Variants in ODF2L observed in about 807,000 individuals in gnomAD.
The protein encoded by ODF2L is protein BCAP.
A neutral mutation model predicts 86.3 loss-of-function variants in ODF2L; 76 were observed. That is an observed-to-expected ratio of 0.88 (90% CI 0.73 to 1.07). The LOEUF (loss-of-function observed/expected upper bound fraction) is 1.07. Ranked by LOEUF, ODF2L falls within the 50% of genes least tolerant of loss-of-function variation. The pLI is 0.00. For missense variants in ODF2L, 748 were observed against 717.4 expected (o/e 1.04, Z -0.49); for synonymous variants, 241 against 231.3 (o/e 1.04, Z -0.38).
chr1:86,363,536 A>G (rs935705514), intron 11 of ODF2L, among the ~76,000 whole-genome samples: 4 of 152,186 alleles, frequency 2.6e-5, no homozygotes, highest in Non-Finnish European at 5.9e-5. Context: ...GAACAATATT[A>G]AAAATGAGTC....
At chr1:86,371,147 G>A in exon 10 of ODF2L, 2 of 1,461,508 alleles carry the variant, frequency 1.4e-6, no homozygotes, top group Non-Finnish European at 1.8e-6. Flanking sequence ...AAAGATTAAT[G>A]ATTTGCCTTT....
intron 11 of ODF2L, among the ~76,000 whole-genome samples, chr1:86,366,429 C>CACACACAT (rs1156767516): frequency 1.1e-4 from 15 of 139,832 alleles, no homozygotes; most frequent in Non-Finnish European, 1.7e-4. Context: ...CACACACACA[C>CACACACAT]ACACATACAC....
intron 16 of ODF2L, among the ~76,000 whole-genome samples, chr1:86,353,489 A>G (rs1658302616): frequency 6.6e-6 from 1 of 152,092 alleles, no homozygotes; most frequent in South Asian, 2.1e-4. Flanking sequence ...TTGAATTTTC[A>G]TATTTCTCTG....
intron 7 of ODF2L, among the ~76,000 whole-genome samples, chr1:86,379,517 A>C (rs2181418): frequency 0.083 from 12,654 of 152,202 alleles, 950 homozygotes; most frequent in East Asian, 0.41. Context: ...ATTGAGCTAG[A>C]AACAATCCAA....
intron 11 of ODF2L, chr1:86,360,819 T>C (rs756822561): frequency 5.2e-6 from 1 of 193,426 alleles, no homozygotes; most frequent in Non-Finnish European, 1.0e-5. Flanking sequence ...ATCAATAGAA[T>C]ACAGAGGTTA....
chr1:86,389,966 C>T (rs1661204307), intron 1 of ODF2L, among the ~76,000 whole-genome samples: 1 of 152,128 alleles, frequency 6.6e-6, no homozygotes, highest in Non-Finnish European at 1.5e-5. Flanking sequence ...ATTCAAAGAA[C>T]AATTGGTACC....
chr1:86,355,212 G>A, intron 14 of ODF2L: 1 of 628,092 alleles, frequency 1.6e-6, no homozygotes, highest in Non-Finnish European at 2.8e-6. Flanking sequence ...GGATACCTAG[G>A]GTTTCTCTTA....
exon 16 of ODF2L, chr1:86,354,684 T>C: frequency 6.2e-7 from 1 of 1,606,462 alleles, no homozygotes. Flanking sequence ...GTCCATCTGT[T>C]CTAATTTTCT....
At chr1:86,375,988 G>C (rs925366803) in intron 8 of ODF2L, among the ~76,000 whole-genome samples, 1 of 152,086 alleles carries the variant, frequency 6.6e-6, no homozygotes, top group Non-Finnish European at 1.5e-5. Context: ...GTGGAGGCGG[G>C]GGGGACACAC....
intron 3 of ODF2L, 82 bp downstream of exon 3, chr1:86,385,376 A>T: frequency 1.3e-6 from 1 of 789,854 alleles, no homozygotes; most frequent in Non-Finnish European, 2.0e-6. Flanking sequence ...GAGCATACCT[A>T]TATAAGATAT....
intron 14 of ODF2L, chr1:86,355,487 A>G: frequency 1.5e-6 from 1 of 656,904 alleles, no homozygotes; most frequent in Non-Finnish European, 2.7e-6. Context: ...ATTTTACTAG[A>G]AAAATCTCTT....
intron 13 of ODF2L, among the ~76,000 whole-genome samples, chr1:86,357,363 T>C (rs938269880): frequency 6.6e-6 from 1 of 151,720 alleles, no homozygotes; most frequent in Non-Finnish European, 1.5e-5. Context: ...TTTTTTTTTT[T>C]GCAAAATTAA....
chr1:86,382,083 G>C, intron 7 of ODF2L, 159 bp downstream of exon 7: 1 of 1,051,710 alleles, frequency 9.5e-7, no homozygotes, highest in Non-Finnish European at 1.2e-6. Context: ...CAAACCTTTA[G>C]TTAGGCCACA....
intron 16 of ODF2L, 96 bp from the exon 16 acceptor site, chr1:86,353,080 T>TAACA: frequency 1.3e-6 from 1 of 773,750 alleles, no homozygotes; most frequent in Non-Finnish European, 2.1e-6. Context: ...TAAACAGATA[T>TAACA]TACTTGTATG....
At chr1:86,390,285 G>A (rs187068938) in intron 1 of ODF2L, among the ~76,000 whole-genome samples, 9 of 152,172 alleles carry the variant, frequency 5.9e-5, no homozygotes, top group Admixed American at 4.6e-4. Context: ...GCTGGGCATC[G>A]TGGCGGGTGC....
At chr1:86,359,355 A>AT (rs1331402798) in intron 12 of ODF2L, among the ~76,000 whole-genome samples, 3 of 152,080 alleles carry the variant, frequency 2.0e-5, no homozygotes, top group Non-Finnish European at 4.4e-5. Context: ...GATGAATAAC[A>AT]AGTCCCACAG....
intron 1 of ODF2L, among the ~76,000 whole-genome samples, chr1:86,391,476 G>T (rs2101568743): frequency 6.6e-6 from 1 of 152,200 alleles, no homozygotes; most frequent in Admixed American, 6.5e-5. Context: ...ATAAAAATAG[G>T]CACATAGACC....
At chr1:86,357,378 C>A (rs1658658112) in intron 13 of ODF2L, among the ~76,000 whole-genome samples, 1 of 150,200 alleles carries the variant, frequency 6.7e-6, no homozygotes, top group Non-Finnish European at 1.5e-5. Flanking sequence ...AATTAAAATC[C>A]AGATTATATT....
intron 1 of ODF2L, among the ~76,000 whole-genome samples, chr1:86,387,897 T>C (rs1661058553): frequency 6.6e-6 from 1 of 152,120 alleles, no homozygotes; most frequent in East Asian, 1.9e-4. Flanking sequence ...CCTTGTAATT[T>C]AGTTTTATAT....
Sources: allele counts gnomAD v4.1 joint callset (sites outside exome capture counted in the v4.1 genomes callset), GRCh38; gene constraint gnomAD v4.1.1; transcripts MANE v1.5; gene names NCBI Gene and HGNC (gene_info 2026-07-23, HGNC 2026-07-21).